Variants in RBBP8 observed in about 807,000 individuals in gnomAD.
RBBP8 encodes DNA endonuclease RBBP8.
A neutral mutation model predicts 108.3 loss-of-function variants in RBBP8; 88 were observed. That is an observed-to-expected ratio of 0.81 (90% CI 0.68 to 0.97). RBBP8 has a LOEUF of 0.97. Among genes scored for constraint, RBBP8 ranks in the 50% least tolerant of loss-of-function variants. The pLI is 0.00. For missense variants in RBBP8, 1,023 were observed against 1,049.0 expected (o/e 0.98, Z 0.34); for synonymous variants, 332 against 348.2 (o/e 0.95, Z 0.52).
chr18:22,914,273 A>G (rs910296090), exon 1 of RBBP8: 1 of 152,202 alleles, frequency 6.6e-6, no homozygotes, highest in Admixed American at 6.5e-5. Flanking sequence ...TCTGCTTTTC[A>G]CCAAGAGCAG....
At chr18:22,956,703 GT>G (rs1471312921) in intron 4 of RBBP8, among the ~76,000 whole-genome samples, 1 of 152,082 alleles carries the variant, frequency 6.6e-6, no homozygotes, top group Non-Finnish European at 1.5e-5. Context: ...TTCTTAGTAT[GT>G]TAATGGGAAA....
At chr18:22,996,560 C>A in intron 13 of RBBP8, 98 bp downstream of exon 13, 1 of 1,535,708 alleles carries the variant, frequency 6.5e-7, no homozygotes, top group Admixed American at 2.0e-5. Flanking sequence ...TTAAGATAAT[C>A]AGATACGTCT....
At chr18:22,934,614 C>G (rs1660897564) in intron 1 of RBBP8, 1 of 151,950 alleles carries the variant, frequency 6.6e-6, no homozygotes, top group African/African-American at 2.4e-5. Context: ...TGTTGGTGTG[C>G]TGCACCCATT....
At chr18:22,969,112 GGTT>G (rs2144593635) in intron 5 of RBBP8, among the ~76,000 whole-genome samples, 194 bp downstream of exon 5, 1 of 151,532 alleles carries the variant, frequency 6.6e-6, no homozygotes, top group Admixed American at 6.6e-5. Flanking sequence ...GGTACAAAAA[GGTT>G]GTGCAAATAC....
At chr18:23,008,665 A>G (rs2046100693) in intron 16 of RBBP8, among the ~76,000 whole-genome samples, 1 of 151,876 alleles carries the variant, frequency 6.6e-6, no homozygotes, top group African/African-American at 2.4e-5. Flanking sequence ...TTAGTGAGAA[A>G]TGGTGTTTAG....
At chr18:22,997,211 G>A (rs1301221549) in intron 13 of RBBP8, among the ~76,000 whole-genome samples, 1 of 152,080 alleles carries the variant, frequency 6.6e-6, no homozygotes, top group African/African-American at 2.4e-5. Context: ...TCACTTGGTA[G>A]CATATTAATA....
chr18:23,003,623 T>C (rs2045984276), intron 15 of RBBP8, among the ~76,000 whole-genome samples: 1 of 152,204 alleles, frequency 6.6e-6, no homozygotes. Context: ...TCTAGACATC[T>C]TAGGAGTCAA....
At chr18:23,008,291 A>C (rs1422884333) in intron 16 of RBBP8, among the ~76,000 whole-genome samples, 2 of 152,048 alleles carry the variant, frequency 1.3e-5, no homozygotes, top group Non-Finnish European at 2.9e-5. Context: ...CAGTAAAGTT[A>C]CTCCTTTTAT....
At position 22,975,164 on chromosome 18, in the gene RBBP8, A is replaced by G; in HGVS notation, c.373A>G (p.Asn125Asp). ...ACATTGTTTTTAAGTGAATGAAAGGAATACTCTACAGGAAGAAAATAAAAA... is the reference window on the plus strand; with the variant it reads ...ACATTGTTTTTAAGTGAATGAAAGGGATACTCTACAGGAAGAAAATAAAAA... ...KLITELMNER[N>D]TLQEENKKLS... is the part of the protein sequence containing the mutation. Residue 125 changes from asparagine (N) to aspartate (D), a missense_variant, in exon 6 of 19, where the codon AAT (asparagine) becomes GAT (aspartate). Coordinates refer to ENST00000327155, the MANE Select transcript of RBBP8 (RefSeq NM_002894.3). 1 of 1,612,024 alleles carries G rather than the reference A, an allele frequency of 6.2e-7. No individual in the cohort carries two copies. Among genetic ancestry groups the G allele is most frequent in the Non-Finnish European group, 8.5e-7 (1 of 1,179,008 alleles).
chr18:22,978,266 G>A (rs1379758835), intron 6 of RBBP8, among the ~76,000 whole-genome samples: 1 of 152,128 alleles, frequency 6.6e-6, no homozygotes, highest in African/African-American at 2.4e-5. Context: ...AGGGAGCAGA[G>A]GTCCATAAAT....
At chr18:22,943,712 G>C (rs908351157) in intron 2 of RBBP8, among the ~76,000 whole-genome samples, 2 of 151,872 alleles carry the variant, frequency 1.3e-5, no homozygotes, top group African/African-American at 2.4e-5. Context: ...GTGATGTTAG[G>C]GGTATTATTT....
chr18:22,969,175 G>GT lies in RBBP8; in HGVS notation c.361+269dup, dbSNP rs112376497. Among the ~76,000 whole-genome samples, 833 of 140,036 alleles carry GT rather than the reference G, an allele frequency of 5.9e-3. 3 individuals carry two copies. Among genetic ancestry groups the GT allele is most frequent in the African/African-American group, 0.016 (632 of 38,686 alleles). 91.9% of individuals were successfully genotyped at this position (140,036 alleles called of 152,430 possible). A position where few individuals can be genotyped will look rare whatever the true frequency, so the allele number is the denominator to read the frequency against. On this transcript the variant is annotated intron_variant, in intron 5 of 18. Transcript: ENST00000327155. ...AGTTGTAAGACAAGAAGCAGGTGGTGTTTTTTTTTTTTGGACATGTCCATA... is the reference window on the plus strand; with the variant it reads ...AGTTGTAAGACAAGAAGCAGGTGGTGTTTTTTTTTTTTTGGACATGTCCATA...
At chr18:23,022,450 A>G (rs1415139243) in intron 18 of RBBP8, among the ~76,000 whole-genome samples, 180 bp downstream of exon 18, 2 of 151,590 alleles carry the variant, frequency 1.3e-5, no homozygotes, top group African/African-American at 4.8e-5. Flanking sequence ...AAAATACAAA[A>G]AATTAGCCAG....
intron 4 of RBBP8, among the ~76,000 whole-genome samples, chr18:22,955,500 T>G (rs1426765144): frequency 6.6e-6 from 1 of 152,154 alleles, no homozygotes; most frequent in African/African-American, 2.4e-5. Context: ...AGATCCATTT[T>G]GCATGTGAGG....
chr18:22,941,702 T>C (rs1228130271), intron 2 of RBBP8, among the ~76,000 whole-genome samples: 3 of 152,086 alleles, frequency 2.0e-5, no homozygotes, highest in Non-Finnish European at 4.4e-5. Context: ...CTCCTCATGG[T>C]TATGTTCTAA....
chr18:23,019,181 C>A (rs1428430999), intron 17 of RBBP8, among the ~76,000 whole-genome samples: 1 of 152,152 alleles, frequency 6.6e-6, no homozygotes, highest in Non-Finnish European at 1.5e-5. Flanking sequence ...TTGAGTAAAT[C>A]TCTGGTTTTT....
At chr18:22,938,701 C>T (rs1910789859) in intron 2 of RBBP8, among the ~76,000 whole-genome samples, 1 of 152,178 alleles carries the variant, frequency 6.6e-6, no homozygotes, top group Non-Finnish European at 1.5e-5. Flanking sequence ...GTGATCTTAG[C>T]CTAATTACCT....
intron 4 of RBBP8, among the ~76,000 whole-genome samples, chr18:22,958,083 G>A (rs1031424305): frequency 6.6e-6 from 1 of 151,966 alleles, no homozygotes; most frequent in African/African-American, 2.4e-5. Context: ...TCACTTTTCC[G>A]CTCTTTCTAC....
At chr18:22,926,228 G>C (rs1182046815) in intron 3 of RBBP8, among the ~76,000 whole-genome samples, 2 of 152,136 alleles carry the variant, frequency 1.3e-5, no homozygotes, top group Non-Finnish European at 2.9e-5. Context: ...TTCCAGACCA[G>C]CCTAGCCAAA....
Sources: gnomAD v4.1 joint callset for allele counts (sites outside exome capture counted in the v4.1 genomes callset) on GRCh38, gnomAD v4.1.1 for gene constraint, MANE v1.5 for transcripts, NCBI Gene and HGNC (gene_info 2026-07-23, HGNC 2026-07-21) for gene names.